SGK3: variants seen among roughly 807,000 people sequenced by gnomAD.
The protein encoded by SGK3 is serum/glucocorticoid regulated kinase family member 3.
In SGK3, 47 loss-of-function variants were observed where a neutral mutation model predicts 68.5. That is an observed-to-expected ratio of 0.69 (90% CI 0.54 to 0.87). The LOEUF (loss-of-function observed/expected upper bound fraction) is 0.87. Among genes scored for constraint, SGK3 ranks in the 40% least tolerant of loss-of-function variants. The pLI is 0.00. For missense variants in SGK3, 479 were observed against 575.5 expected, an observed-to-expected ratio of 0.83 and a Z score of 1.72; for synonymous variants, 181 against 189.1, an observed-to-expected ratio of 0.96 and a Z score of 0.35.
chr8:66,826,061 C>A (rs1005987719), intron 6 of SGK3, among the ~76,000 whole-genome samples: 1 of 152,136 alleles, frequency 6.6e-6, no homozygotes, highest in Admixed American at 6.5e-5. Flanking sequence ...CAACCTCCCC[C>A]TCCTGGTTTC....
Position 66,845,596 on chromosome 8 carries a change from A to G in SGK3, c.1075-1597A>G, listed in dbSNP as rs556885502. Among the ~76,000 whole-genome samples the G allele has an allele frequency of 2.6e-5, 4 of 152,022 alleles. No homozygotes were observed. The South Asian group carries it at 8.3e-4, about 32-fold the overall frequency. ...GCTGGAGTGTAGTAGAATGATCACG[A>G]CTCACTGCAACCTTGACTTCCCAGG... On this transcript the variant is annotated intron_variant, in intron 14 of 16. Transcript: ENST00000521198.
intron 13 of SGK3, 47 bp downstream of exon 13, chr8:66,841,157 C>G (rs769171336): frequency 6.4e-6 from 9 of 1,396,122 alleles, no homozygotes. Flanking sequence ...GTATAAAATG[C>G]AAATATGAAT....
intron 1 of SGK3, among the ~76,000 whole-genome samples, chr8:66,741,325 G>A (rs1042399660): frequency 2.0e-5 from 3 of 152,074 alleles, no homozygotes; most frequent in Non-Finnish European, 4.4e-5. Context: ...CTAGGTGGGC[G>A]GATCATTTGA....
Position 66,772,277 on chromosome 8 carries a change from G to A in SGK3, c.-121-21339G>A, listed in dbSNP as rs575026546. 3.4e-5 allele frequency among the ~76,000 whole-genome samples: 5 copies of A among 148,300 alleles called. No homozygotes were observed. The East Asian group carries it at 6.4e-4, about 19-fold the overall frequency. On this transcript the variant is annotated intron_variant, in intron 1 of 16. Transcript: ENST00000521198. ...GTCTGGTTAATTTTTTTATAGAGAC[G>A]GAGTCTCTCTGTATTGCTGCGGCTG...
intron 1 of SGK3, among the ~76,000 whole-genome samples, chr8:66,737,942 A>G (rs1045992563): frequency 3.9e-5 from 6 of 151,940 alleles, no homozygotes; most frequent in African/African-American, 1.5e-4. Flanking sequence ...TATCCTTCAG[A>G]GTGGTATGTC....
At chr8:66,761,934 G>A (rs998600009) in intron 1 of SGK3, among the ~76,000 whole-genome samples, 3 of 151,980 alleles carry the variant, frequency 2.0e-5, no homozygotes, top group African/African-American at 7.2e-5. Flanking sequence ...GCACTCCCCT[G>A]CCCCTACACA....
At chr8:66,795,245 C>T (rs1339833950) in intron 2 of SGK3, among the ~76,000 whole-genome samples, 2 of 152,190 alleles carry the variant, frequency 1.3e-5, no homozygotes, top group Admixed American at 1.3e-4. Context: ...AAAGCAGTCC[C>T]TCTGTCCTCT....
chr8:66,732,073 A>G (rs1805170857), intron 1 of SGK3, among the ~76,000 whole-genome samples: 1 of 152,240 alleles, frequency 6.6e-6, no homozygotes, highest in Admixed American at 6.5e-5. Flanking sequence ...AATGTGCTCC[A>G]TCTTCACGAC....
intron 1 of SGK3, among the ~76,000 whole-genome samples, chr8:66,723,517 C>T (rs1416544779): frequency 1.3e-5 from 2 of 152,090 alleles, no homozygotes; most frequent in Non-Finnish European, 2.9e-5. Context: ...AATCTTAACA[C>T]ACTGCAGCCT....
chr8:66,785,063 C>G (rs1019410248), intron 1 of SGK3, among the ~76,000 whole-genome samples: 4 of 152,196 alleles, frequency 2.6e-5, no homozygotes, highest in Non-Finnish European at 4.4e-5. Context: ...GGCTCCTGAC[C>G]AAGTGCTGTC....
At chr8:66,713,487 A>C (rs942031221) in intron 1 of SGK3, among the ~76,000 whole-genome samples, 10 of 152,230 alleles carry the variant, frequency 6.6e-5, no homozygotes, top group African/African-American at 2.4e-4. Flanking sequence ...CTGAACCATG[A>C]GTAGAATTTC....
chr8:66,848,642 A>G (rs183099307), intron 15 of SGK3, among the ~76,000 whole-genome samples: 4 of 152,286 alleles, frequency 2.6e-5, no homozygotes, highest in Non-Finnish European at 5.9e-5. Flanking sequence ...GTCCATTTGT[A>G]AGGAACCCTG....
chr8:66,744,530 T>TGTTGTTGTTG (rs1563605813), intron 1 of SGK3, among the ~76,000 whole-genome samples: 1,474 of 119,298 alleles, frequency 0.012, 94 homozygotes, highest in African/African-American at 0.043. Context: ...TTTTTTTTTT[T>TGTTGTTGTTG]TTTTTTTTTT....
rs1554591219 is a variant in SGK3, at chr8:66,723,131, A to ATAT, written c.-122+10299_-122+10300insATT. Among the ~76,000 whole-genome samples, 36 of 29,496 alleles carry ATAT rather than the reference A, an allele frequency of 1.2e-3. 1 individual carries two copies. Among genetic ancestry groups the ATAT allele is most frequent in the East Asian group, 3.4e-3 (2 of 582 alleles). The allele number at this position is 29,496 out of a possible 152,430, so 19.4% of individuals were successfully genotyped here. A position where few individuals can be genotyped will look rare whatever the true frequency, so the allele number is the denominator to read the frequency against. On this transcript the variant is annotated intron_variant, in intron 1 of 16. Coordinates refer to ENST00000521198, the MANE Select transcript of SGK3 (RefSeq NM_001033578.3). Reference sequence around the variant, plus strand: ...TATATATATATATATATATATATATATTTTTTTTTTTTTTTTTTTTTGTAA... The same window carrying ATAT: ...TATATATATATATATATATATATATATATTTTTTTTTTTTTTTTTTTTTTGTAA...
intron 16 of SGK3, among the ~76,000 whole-genome samples, chr8:66,858,167 T>G (rs1204840865): frequency 6.6e-6 from 1 of 152,058 alleles, no homozygotes. Flanking sequence ...TTATGGAAGC[T>G]CAAATACAAA....
chr8:66,752,391 T>C (rs1805844188), intron 1 of SGK3, among the ~76,000 whole-genome samples: 1 of 152,164 alleles, frequency 6.6e-6, no homozygotes, highest in Admixed American at 6.5e-5. Flanking sequence ...GCAGATATTA[T>C]GCTAGGTTCT....
intron 6 of SGK3, among the ~76,000 whole-genome samples, chr8:66,828,087 G>A (rs146854741): frequency 1.3e-5 from 2 of 151,298 alleles, no homozygotes; most frequent in African/African-American, 4.9e-5. Flanking sequence ...TCACGCCACA[G>A]CACTCCAGCC....
chr8:66,833,375 C>T (rs1265355762), intron 8 of SGK3, among the ~76,000 whole-genome samples: 4 of 152,120 alleles, frequency 2.6e-5, no homozygotes, highest in Admixed American at 2.6e-4. Context: ...GTTCATTGGC[C>T]TATCTGTTTA....
rs61222034 is a variant in SGK3, at chr8:66,751,742, T to TTTTATTTATTTA, written c.-122+38937_-122+38948dup. On this transcript the variant is annotated intron_variant, in intron 1 of 16. Transcript: ENST00000521198. ...ATCTCTGATTATTAAAAATCATTCATTTTATTTATTTATTTATTTATTTAT... is the reference window on the plus strand; with the variant it reads ...ATCTCTGATTATTAAAAATCATTCATTTTATTTATTTATTTATTTATTTATTTATTTATTTAT... Among the ~76,000 whole-genome samples, 1,060 of 147,856 alleles carry TTTTATTTATTTA rather than the reference T, an allele frequency of 7.2e-3. 10 individuals are homozygous for TTTTATTTATTTA. The highest frequency in any genetic ancestry group is 0.023 in the African/African-American group (913 of 39,720).
Sources: gnomAD v4.1 joint callset for allele counts (sites outside exome capture counted in the v4.1 genomes callset) on GRCh38, gnomAD v4.1.1 for gene constraint, MANE v1.5 for transcripts, NCBI Gene and HGNC (gene_info 2026-07-23, HGNC 2026-07-21) for gene names.